SLC6A3: variants seen among roughly 807,000 people sequenced by gnomAD.
SLC6A3 encodes the protein solute carrier family 6 member 3.
In SLC6A3, 19 loss-of-function variants were observed where a neutral mutation model predicts 70.4. That is an observed-to-expected ratio of 0.27 (90% CI 0.19 to 0.40). The LOEUF (loss-of-function observed/expected upper bound fraction) is 0.40, where lower values mean the gene tolerates loss of function less well. SLC6A3 is among the 10% of genes least tolerant of loss of function. The pLI is 1.00. For missense variants in SLC6A3, 613 were observed against 838.5 expected, an observed-to-expected ratio of 0.73 and a Z score of 3.32; for synonymous variants, 368 against 356.6, an observed-to-expected ratio of 1.03 and a Z score of -0.36.
In SLC6A3 at chr5:1,403,081, G is replaced by T. The variant is rs772870958; in HGVS notation, c.1608C>A (p.Val536=). 8 of 1,613,554 alleles carry T rather than the reference G, an allele frequency of 5.0e-6. No individual in the cohort carries two copies. In the East Asian group the frequency reaches 1.8e-4, roughly 36 times the overall value. The part of the protein sequence containing the change: ...LVSPCFLLFV[V]VVSIVTFRPP... ...GTCTGAAGGTCACAATGCTGACCAC[G>T]ACCACGAACTGCAACCAGCAGATAC... is the stretch of plus-strand genomic sequence containing the variant. Residue 536 remains valine, a synonymous_variant, in exon 13 of 15, where the codon GTC becomes GTA. Coordinates refer to ENST00000270349, the MANE Select transcript of SLC6A3 (RefSeq NM_001044.5).
In SLC6A3 at chr5:1,403,070, A is replaced by G. The variant is rs1348476161; in HGVS notation, c.1619T>C (p.Ile540Thr). ...CFLLFVVVVS[I>T]VTFRPPHYGA... ...GTAGTGGGGGGGTCTGAAGGTCACA[A>G]TGCTGACCACGACCACGAACTGCAA... Residue 540 changes from isoleucine (I) to threonine (T), a missense_variant, in exon 13 of 15, where the codon ATT (isoleucine) becomes ACT (threonine). Physicochemically the swap from Ile to Thr is moderately conservative, Grantham distance 89. Around this residue, in one of 4 missense-constraint regions of SLC6A3, gnomAD observed 348 missense variants for 481.2 expected, o/e 0.72. Transcript: ENST00000270349. 6.2e-7 allele frequency: 1 copy of G among 1,613,638 alleles called. No individual in the cohort carries two copies. Among genetic ancestry groups the G allele is most frequent in the Non-Finnish European group, 8.5e-7 (1 of 1,180,014 alleles).
intron 14 of SLC6A3, among the ~76,000 whole-genome samples, chr5:1,399,500 C>T (rs1313175765): frequency 6.6e-6 from 1 of 152,178 alleles, no homozygotes; most frequent in Non-Finnish European, 1.5e-5. Flanking sequence ...TGACAGGAAG[C>T]ACAGCAAGAA....
At chr5:1,441,657 C>T (rs564542730) in intron 2 of SLC6A3, among the ~76,000 whole-genome samples, 167 bp from the exon 3 acceptor site, 2 of 152,306 alleles carry the variant, frequency 1.3e-5, no homozygotes, top group Non-Finnish European at 2.9e-5. Context: ...CCGAAGCCCG[C>T]CCTCCACTGC....
intron 3 of SLC6A3, among the ~76,000 whole-genome samples, chr5:1,441,155 C>A (rs1733648739): frequency 6.6e-6 from 1 of 152,248 alleles, no homozygotes. Context: ...GCAGGACCCT[C>A]ACCTAGAGCA....
At position 1,394,757 on chromosome 5, in the gene SLC6A3, A is replaced by T. The variant is rs1461661044; in HGVS notation, c.1841T>A (p.Leu614His). 1 of 1,613,976 alleles carries T rather than the reference A, an allele frequency of 6.2e-7. No homozygotes were observed. The highest frequency in any genetic ancestry group is 1.7e-5 in the Admixed American group (1 of 59,992). The stretch of plus-strand genomic sequence containing the variant: ...CCTCTACACCTTGAGCCAGTGGCGG[A>T]GCTGGAAAGAAAACAGGTTTAGTCA... ...VDRGEVRQFTLRHWLKV is the reference protein window; with the variant it reads ...VDRGEVRQFTHRHWLKV Residue 614 changes from leucine to histidine, a missense_variant and splice_region_variant, in exon 15 of 15, where the codon CTC becomes CAC. This residue lies in a region of SLC6A3 where 348 missense variants were observed against 481.2 expected (regional missense o/e 0.72). Transcript: ENST00000270349. The surrounding 1 kb of genome is among the most constrained non-coding windows in gnomAD (Gnocchi z 4.7).
chr5:1,423,901 C>G (rs897447149), intron 4 of SLC6A3, among the ~76,000 whole-genome samples: 4 of 152,234 alleles, frequency 2.6e-5, no homozygotes, highest in Admixed American at 6.5e-5. Flanking sequence ...TGTGGGTCCA[C>G]TGAGGTCCCC....
chr5:1,408,203 AT>A lies in SLC6A3; in HGVS notation c.1498+822del, dbSNP rs760385170. 4.4e-3 allele frequency among the ~76,000 whole-genome samples: 577 copies of A among 131,502 alleles called. 1 individual carries two copies. Among genetic ancestry groups the A allele is most frequent in the Admixed American group, 4.7e-3 (61 of 12,944 alleles). The allele number at this position is 131,502 out of a possible 152,430, so 86.3% of individuals were successfully genotyped here. Reference sequence around the variant, plus strand: ...AGCCTTGTGCCACCACACCCGGCTAATTTTTTTTTTTTTTTTTTTTAGTAAA... The same window carrying A: ...AGCCTTGTGCCACCACACCCGGCTAATTTTTTTTTTTTTTTTTTTAGTAAA... On this transcript the variant is annotated intron_variant, in intron 11 of 14. Transcript: ENST00000270349. The surrounding 1 kb of genome is among the most constrained non-coding windows in gnomAD (Gnocchi z 6.4).
intron 4 of SLC6A3, among the ~76,000 whole-genome samples, chr5:1,427,017 C>T (rs1227930661): frequency 6.6e-6 from 1 of 152,188 alleles, no homozygotes; most frequent in East Asian, 1.9e-4. Context: ...GAATCACTGC[C>T]AGCAAGTCTA....
chr5:1,443,363 G>T, intron 1 of SLC6A3, 121 bp from the exon 2 acceptor site: 1 of 797,094 alleles, frequency 1.3e-6, no homozygotes, highest in Non-Finnish European at 2.1e-6. Context: ...CCTCTGGGAA[G>T]GGATGGGTGC....
At position 1,409,640 on chromosome 5, in the gene SLC6A3, T is replaced by G. The variant is rs1441475601; in HGVS notation, c.1398+81A>C. The G allele has an allele frequency of 7.7e-6, 12 of 1,548,918 alleles. No individual in the cohort carries two copies. In the East Asian group the frequency reaches 2.7e-4, roughly 35 times the overall value. On this transcript the variant is annotated intron_variant, in intron 10 of 14. Coordinates refer to ENST00000270349, the MANE Select transcript of SLC6A3 (RefSeq NM_001044.5). Reference sequence around the variant, plus strand: ...GGAAGTGCTGCGGTTCTGTCTGGCCTGACAGTCCCAGCCAGGGCGCCCCGT... The same window carrying G: ...GGAAGTGCTGCGGTTCTGTCTGGCCGGACAGTCCCAGCCAGGGCGCCCCGT...
intron 3 of SLC6A3, among the ~76,000 whole-genome samples, chr5:1,440,059 T>A (rs1166487215): frequency 1.3e-5 from 2 of 152,138 alleles, no homozygotes; most frequent in African/African-American, 4.8e-5. Context: ...GTGTGTCCAT[T>A]TCATGGTGCC....
chr5:1,406,811 C>T lies in SLC6A3; in HGVS notation c.1499-523G>A, dbSNP rs1043139619. Among the ~76,000 whole-genome samples the T allele has an allele frequency of 6.6e-6, 1 of 152,152 alleles. No homozygotes were observed. The highest frequency in any genetic ancestry group is 1.5e-5 in the Non-Finnish European group (1 of 68,030). ...AACGCCAACTCCTCCCGACCCCCAACCCCCGCCAGGCCCCAGCACCATCTG... is the reference window on the plus strand; with the variant it reads ...AACGCCAACTCCTCCCGACCCCCAATCCCCGCCAGGCCCCAGCACCATCTG... On this transcript the variant is annotated intron_variant, in intron 11 of 14. Transcript: ENST00000270349. This position sits in a 1 kb window ranked among gnomAD's most constrained non-coding sequence, Gnocchi z 8.8.
In SLC6A3 at chr5:1,438,670, G is replaced by A. The variant is rs1756897978; in HGVS notation, c.418+2689C>T. Among the ~76,000 whole-genome samples the A allele has an allele frequency of 1.3e-5, 2 of 152,170 alleles. No homozygotes were observed. The highest frequency in any genetic ancestry group is 2.4e-5 in the African/African-American group (1 of 41,434). On this transcript the variant is annotated intron_variant, in intron 3 of 14. Transcript: ENST00000270349. This position sits in a 1 kb window ranked among gnomAD's most constrained non-coding sequence, Gnocchi z 6.5. ...GGACCTACAGGTCCCTTTTTCTCCT[G>A]CCCTCCTCACCTGAATCCTGCACGT... is the stretch of plus-strand genomic sequence containing the variant.
At chr5:1,416,380 C>T (rs1052693835) in intron 6 of SLC6A3, 179 bp from the exon 7 acceptor site, 7 of 649,824 alleles carry the variant, frequency 1.1e-5, no homozygotes, top group African/African-American at 3.6e-5. Flanking sequence ...TGAACCCTCC[C>T]GGGCCAGCGG....
intron 3 of SLC6A3, among the ~76,000 whole-genome samples, chr5:1,434,822 C>T (rs1756791441): frequency 1.3e-5 from 2 of 152,214 alleles, no homozygotes; most frequent in Admixed American, 1.3e-4. Context: ...AAGCTGTTCT[C>T]ATGCTCAGGG....
chr5:1,437,242 T>G lies in SLC6A3; in HGVS notation c.418+4117A>C, dbSNP rs1266206784. 7.1e-6 allele frequency among the ~76,000 whole-genome samples: 1 copy of G among 139,996 alleles called. No individual in the cohort carries two copies. Among genetic ancestry groups the G allele is most frequent in the African/African-American group, 2.7e-5 (1 of 37,290 alleles). 91.8% of individuals were successfully genotyped at this position (139,996 alleles called of 152,430 possible). On this transcript the variant is annotated intron_variant, in intron 3 of 14. Transcript: ENST00000270349. This position sits in a 1 kb window ranked among gnomAD's most constrained non-coding sequence, Gnocchi z 4.8. The stretch of plus-strand genomic sequence containing the variant: ...CTCCAGCCTGGTGACAGAGCGAGAT[T>G]CCGTCTCACAAAAAAAAAAAAAAAG...
rs1756171550 is a variant in SLC6A3 at position 1,413,348 on chromosome 5, C to A, written c.1156+1343G>T. ...CTCTGAGCTGTGGCTCCAGCCCCGACCCTGGCTTTCTGTTGCAAGCATGGA... is the reference window on the plus strand; with the variant it reads ...CTCTGAGCTGTGGCTCCAGCCCCGAACCTGGCTTTCTGTTGCAAGCATGGA... On this transcript the variant is annotated intron_variant, in intron 8 of 14. Transcript: ENST00000270349. The surrounding 1 kb of genome is among the most constrained non-coding windows in gnomAD (Gnocchi z 7.1). 6.6e-6 allele frequency among the ~76,000 whole-genome samples: 1 copy of A among 152,212 alleles called. No homozygotes were observed. Among genetic ancestry groups the A allele is most frequent in the Non-Finnish European group, 1.5e-5 (1 of 68,044 alleles).
intron 4 of SLC6A3, among the ~76,000 whole-genome samples, chr5:1,423,170 G>A (rs1345994542): frequency 2.8e-5 from 2 of 71,092 alleles, no homozygotes; most frequent in African/African-American, 6.9e-5. Flanking sequence ...TGCTGCCCAC[G>A]CTGCTGGGTA....
At chr5:1,440,238 A>G (rs895632336) in intron 3 of SLC6A3, among the ~76,000 whole-genome samples, 1 of 152,138 alleles carries the variant, frequency 6.6e-6, no homozygotes, top group Admixed American at 6.5e-5. Flanking sequence ...AGATGAATAG[A>G]TAGAAGATGG....
Sources: allele counts gnomAD v4.1 joint callset (sites outside exome capture counted in the v4.1 genomes callset), GRCh38; gene constraint gnomAD v4.1.1; regional missense constraint gnomAD v4.1.1; non-coding constraint Gnocchi (gnomAD v3.1); transcripts MANE v1.5; gene names NCBI Gene and HGNC (gene_info 2026-07-23, HGNC 2026-07-21).